LCE7A: variants seen among roughly 807,000 people sequenced by gnomAD.
LCE7A encodes the protein late cornified envelope 7A.
the LCE7A span, among the ~76,000 whole-genome samples, chr1:152,860,368 A>C: frequency 2.0e-5 from 3 of 152,200 alleles, no homozygotes; most frequent in Non-Finnish European, 4.4e-5. Context: ...TGGTTTTTAG[A>C]ATGCATAAAT....
At chr1:152,860,925 C>T in the LCE7A span, among the ~76,000 whole-genome samples, 1 of 152,220 alleles carries the variant, frequency 6.6e-6, no homozygotes, top group African/African-American at 2.4e-5. Context: ...AGCATTCTGA[C>T]TGCTGTGAGC....
chr1:152,860,164 C>T, the LCE7A span, among the ~76,000 whole-genome samples: 10 of 151,982 alleles, frequency 6.6e-5, no homozygotes, highest in African/African-American at 2.4e-4. Context: ...TGGCAATCAT[C>T]GAGGTGGTTC....
At chr1:152,860,779 G>T in the LCE7A span, among the ~76,000 whole-genome samples, 1 of 152,076 alleles carries the variant, frequency 6.6e-6, no homozygotes. Context: ...GACCCCTCAG[G>T]CTCCTGCTTC....
chr1:152,860,459 T>C, the LCE7A span, among the ~76,000 whole-genome samples: 1 of 152,128 alleles, frequency 6.6e-6, no homozygotes, highest in Admixed American at 6.5e-5. Flanking sequence ...TCAGGAGTCT[T>C]GAGAGAATCA....
At chr1:152,860,177 A>G in the LCE7A span, among the ~76,000 whole-genome samples, 1 of 152,122 alleles carries the variant, frequency 6.6e-6, no homozygotes, top group Admixed American at 6.5e-5. Flanking sequence ...GGTGGTTCAG[A>G]AGCAGCAAAC....
the LCE7A span, among the ~76,000 whole-genome samples, chr1:152,860,601 G>A: frequency 2.6e-5 from 4 of 152,120 alleles, no homozygotes; most frequent in Non-Finnish European, 5.9e-5. Context: ...GTAGAATTTC[G>A]GGCTCTGTAG....
At chr1:152,859,997 T>C in the LCE7A span, among the ~76,000 whole-genome samples, 10,501 of 152,236 alleles carry the variant, frequency 0.069, 1,189 homozygotes, top group African/African-American at 0.24. Flanking sequence ...TATCTATCCG[T>C]AGTCCCATCG....
chr1:152,860,937 C>T, the LCE7A span, among the ~76,000 whole-genome samples: 3 of 152,176 alleles, frequency 2.0e-5, no homozygotes, highest in South Asian at 2.1e-4. Context: ...GCTGTGAGCA[C>T]GAGTCTTCTA....
At chr1:152,860,727 G>A in the LCE7A span, among the ~76,000 whole-genome samples, 1 of 152,280 alleles carries the variant, frequency 6.6e-6, no homozygotes, top group East Asian at 1.9e-4. Flanking sequence ...AGCAGAAATG[G>A]CAGCTCCCTG....
chr1:152,860,224 G>A, the LCE7A span, among the ~76,000 whole-genome samples: 1 of 152,138 alleles, frequency 6.6e-6, no homozygotes, highest in Non-Finnish European at 1.5e-5. Flanking sequence ...CTGGGGCAGT[G>A]CAAGTGTTTG....
the LCE7A span, among the ~76,000 whole-genome samples, chr1:152,861,028 G>A: frequency 6.6e-6 from 1 of 152,240 alleles, no homozygotes; most frequent in East Asian, 1.9e-4. Context: ...CCAAGGACCC[G>A]CCCTGAGTTG....
At chr1:152,860,423 A>C in the LCE7A span, among the ~76,000 whole-genome samples, 1 of 152,334 alleles carries the variant, frequency 6.6e-6, no homozygotes, top group Non-Finnish European at 1.5e-5. Flanking sequence ...GGGACTACAT[A>C]GTGCCCTAAG....
chr1:152,860,637 A>G, the LCE7A span, among the ~76,000 whole-genome samples: 1 of 152,226 alleles, frequency 6.6e-6, no homozygotes, highest in Non-Finnish European at 1.5e-5. Flanking sequence ...AACAAGGTTT[A>G]CATTAATTAG....
chr1:152,860,057 C>T, the LCE7A span, among the ~76,000 whole-genome samples: 2 of 152,118 alleles, frequency 1.3e-5, no homozygotes, highest in Admixed American at 1.3e-4. Flanking sequence ...GATCTGATGG[C>T]AGTTTGGGGA....
At chr1:152,861,143 T>TAA in the LCE7A span, among the ~76,000 whole-genome samples, 1 of 152,182 alleles carries the variant, frequency 6.6e-6, no homozygotes, top group Non-Finnish European at 1.5e-5. Context: ...CTCAGGCCTC[T>TAA]TGGCCTTGGC....
chr1:152,860,670 T>G, the LCE7A span, among the ~76,000 whole-genome samples: 1 of 152,162 alleles, frequency 6.6e-6, no homozygotes, highest in African/African-American at 2.4e-5. Flanking sequence ...TTTGCATTGT[T>G]TTTTAGAGTA....
the LCE7A span, among the ~76,000 whole-genome samples, chr1:152,860,946 T>C: frequency 6.6e-6 from 1 of 152,220 alleles, no homozygotes; most frequent in Non-Finnish European, 1.5e-5. Context: ...ACGAGTCTTC[T>C]AGATGTTCCA....
the LCE7A span, among the ~76,000 whole-genome samples, chr1:152,860,375 A>C: frequency 6.6e-6 from 1 of 152,198 alleles, no homozygotes; most frequent in Non-Finnish European, 1.5e-5. Context: ...TAGAATGCAT[A>C]AATTAGAAGA....
the LCE7A span, among the ~76,000 whole-genome samples, chr1:152,860,894 G>A: frequency 5.1e-4 from 78 of 152,274 alleles, 1 homozygote; most frequent in Non-Finnish European, 8.2e-4. Context: ...CGGTTTCCAC[G>A]ATTCTACCTG....
Sources: allele counts gnomAD v4.1 joint callset (sites outside exome capture counted in the v4.1 genomes callset), GRCh38; gene constraint gnomAD v4.1.1; transcripts MANE v1.5; gene names NCBI Gene and HGNC (gene_info 2026-07-23, HGNC 2026-07-21).